The following CERS6 variants were observed in gnomAD, a reference collection of about 807,000 sequenced individuals.
The protein encoded by CERS6 is LAG1 homolog, ceramide synthase 6.
In CERS6, 26 loss-of-function variants were observed where a neutral mutation model predicts 56.8. The observed-to-expected ratio is 0.46, with a 90% CI of 0.34 to 0.63. The LOEUF is 0.63. Ranked by LOEUF, CERS6 falls within the 30% of genes least tolerant of loss-of-function variation. The pLI is 0.01. For missense variants in CERS6, 415 were observed against 467.5 expected, an observed-to-expected ratio of 0.89 and a Z score of 1.04; for synonymous variants, 164 against 173.3, an observed-to-expected ratio of 0.95 and a Z score of 0.42.
intron 3 of CERS6, among the ~76,000 whole-genome samples, chr2:168,593,822 A>G (rs1683732851): frequency 6.6e-6 from 1 of 152,210 alleles, no homozygotes; most frequent in Non-Finnish European, 1.5e-5. Flanking sequence ...TAAAGTTTCT[A>G]GTGTTTCATG....
chr2:168,639,896 C>T (rs1345095162), intron 4 of CERS6, among the ~76,000 whole-genome samples: 1 of 152,118 alleles, frequency 6.6e-6, no homozygotes, highest in Non-Finnish European at 1.5e-5. Flanking sequence ...TATTAATGCA[C>T]ATGAGAATAG....
At chr2:168,699,970 G>C (rs1364409731) in intron 6 of CERS6, among the ~76,000 whole-genome samples, 3 of 152,222 alleles carry the variant, frequency 2.0e-5, no homozygotes, top group African/African-American at 7.2e-5. Flanking sequence ...CTAAGCTGCT[G>C]TTTGGCTTCA....
intron 3 of CERS6, among the ~76,000 whole-genome samples, chr2:168,578,386 G>GGTA (rs1371884862): frequency 1.6e-4 from 24 of 152,146 alleles, no homozygotes; most frequent in Admixed American, 1.4e-3. Flanking sequence ...AAGCTGCTGA[G>GGTA]GTAGTAAATT....
At chr2:168,758,220 A>T (rs976021221) in intron 8 of CERS6, among the ~76,000 whole-genome samples, 1 of 152,248 alleles carries the variant, frequency 6.6e-6, no homozygotes, top group Non-Finnish European at 1.5e-5. Flanking sequence ...ATCATGAAAT[A>T]CACTGAGGTC....
chr2:168,651,199 G>A (rs1685332696), intron 4 of CERS6, among the ~76,000 whole-genome samples: 1 of 152,134 alleles, frequency 6.6e-6, no homozygotes, highest in Admixed American at 6.5e-5. Flanking sequence ...TGGGCAGTTT[G>A]GCATAGCAAT....
intron 1 of CERS6, among the ~76,000 whole-genome samples, chr2:168,522,717 T>G (rs770744647): frequency 6.6e-6 from 1 of 152,230 alleles, no homozygotes; most frequent in East Asian, 1.9e-4. Context: ...TTTTAAATAA[T>G]TTTTACTTTT....
In CERS6 at chr2:168,682,536, AGCAGTTGCAT is replaced by A. The variant is rs546556620; in HGVS notation, c.466-8494_466-8485del. ...ATCTGGTTTTAGCATAGCGGTAGTG[AGCAGTTGCAT>A]GCACCCTTGACAGTATGCCACATGA... On this transcript the variant is annotated intron_variant, in intron 4 of 9. Coordinates refer to ENST00000305747, the MANE Select transcript of CERS6 (RefSeq NM_203463.3). Among the ~76,000 whole-genome samples the A allele has an allele frequency of 3.0e-3, 460 of 152,278 alleles. 4 individuals carry two copies. Among genetic ancestry groups the A allele is most frequent in the Middle Eastern group, 0.01 (3 of 294 alleles).
At chr2:168,737,383 A>G (rs1683749116) in intron 8 of CERS6, among the ~76,000 whole-genome samples, 1 of 152,222 alleles carries the variant, frequency 6.6e-6, no homozygotes, top group Non-Finnish European at 1.5e-5. Context: ...TAAGGAAAAA[A>G]TTCTGCGGCG....
intron 3 of CERS6, among the ~76,000 whole-genome samples, chr2:168,614,997 C>T (rs1373555700): frequency 6.6e-6 from 1 of 152,122 alleles, no homozygotes; most frequent in African/African-American, 2.4e-5. Flanking sequence ...TCCTCTGGAG[C>T]TGGTACCCAT....
At chr2:168,692,327 G>A (rs946726616) in intron 5 of CERS6, among the ~76,000 whole-genome samples, 7 of 152,134 alleles carry the variant, frequency 4.6e-5, no homozygotes, top group Non-Finnish European at 7.3e-5. Context: ...AGCAAAATCC[G>A]TGTATGTCTA....
In CERS6 at chr2:168,460,120, C is replaced by T. The variant is rs559802959; in HGVS notation, c.170+3502C>T. Among the ~76,000 whole-genome samples, 5 of 152,168 alleles carry T rather than the reference C, an allele frequency of 3.3e-5. No individual in the cohort carries two copies. In the East Asian group the frequency reaches 9.6e-4, roughly 29 times the overall value. ...TTTTCACCCTCCTGATTCTTTGATTCCTGTGGATCATCTGTGCTTGAAAAT... is the reference window on the plus strand; with the variant it reads ...TTTTCACCCTCCTGATTCTTTGATTTCTGTGGATCATCTGTGCTTGAAAAT... On this transcript the variant is annotated intron_variant, in intron 1 of 9. Transcript: ENST00000305747.
intron 4 of CERS6, among the ~76,000 whole-genome samples, chr2:168,647,914 C>A (rs914384171): frequency 6.6e-6 from 1 of 152,078 alleles, no homozygotes; most frequent in East Asian, 1.9e-4. Flanking sequence ...TTGATTTGCA[C>A]GTATTTTGTT....
At chr2:168,757,263 G>A (rs1331565936) in intron 8 of CERS6, among the ~76,000 whole-genome samples, 1 of 151,926 alleles carries the variant, frequency 6.6e-6, no homozygotes, top group African/African-American at 2.4e-5. Flanking sequence ...GACTCAGATT[G>A]GGAGGTCAGG....
chr2:168,538,185 T>C (rs1308147554), intron 1 of CERS6, among the ~76,000 whole-genome samples: 1 of 151,830 alleles, frequency 6.6e-6, no homozygotes, highest in Non-Finnish European at 1.5e-5. Flanking sequence ...AATAAATCAT[T>C]TAGGTTTTCT....
intron 4 of CERS6, among the ~76,000 whole-genome samples, chr2:168,654,482 G>T (rs935423977): frequency 6.6e-6 from 1 of 152,134 alleles, no homozygotes; most frequent in Non-Finnish European, 1.5e-5. Context: ...GGTGGAGGAT[G>T]AAGTGAGCCA....
intron 1 of CERS6, among the ~76,000 whole-genome samples, chr2:168,524,505 A>G (rs1209439359): frequency 1.3e-5 from 2 of 152,212 alleles, no homozygotes; most frequent in African/African-American, 4.8e-5. Context: ...AGACTCAGAT[A>G]GAGACGGAAT....
chr2:168,547,629 C>A lies in CERS6; in HGVS notation c.204C>A (p.Asn68Lys). 1 of 1,613,856 alleles carries A rather than the reference C, an allele frequency of 6.2e-7. No individual in the cohort carries two copies. Among genetic ancestry groups the A allele is most frequent in the Non-Finnish European group, 8.5e-7 (1 of 1,179,754 alleles). ...CCAAACCGTGCGCCATAGCCCTCAA[C>A]ATTCAGGCCAATGGACCACAAATTG... ...FVAKPCAIAL[N>K]IQANGPQIAP... Residue 68 changes from asparagine to lysine, a missense_variant, in exon 2 of 10, where the codon AAC (asparagine) becomes AAA (lysine). Asn to Lys is a moderately conservative substitution (Grantham distance 94, BLOSUM62 0). Transcript: ENST00000305747.
intron 6 of CERS6, among the ~76,000 whole-genome samples, chr2:168,709,361 A>C (rs1347193625): frequency 6.6e-6 from 1 of 152,104 alleles, no homozygotes. Context: ...CTCTTCCTTG[A>C]ATTCTTTTAT....
At chr2:168,494,148 T>C (rs1694422709) in intron 1 of CERS6, among the ~76,000 whole-genome samples, 1 of 152,198 alleles carries the variant, frequency 6.6e-6, no homozygotes, top group African/African-American at 2.4e-5. Flanking sequence ...TTTTCCACTG[T>C]GGCATTTTGG....
Sources: gnomAD v4.1 joint callset for allele counts (sites outside exome capture counted in the v4.1 genomes callset) on GRCh38, gnomAD v4.1.1 for gene constraint, MANE v1.5 for transcripts, NCBI Gene and HGNC (gene_info 2026-07-23, HGNC 2026-07-21) for gene names.